MARK2: variants seen among roughly 807,000 people sequenced by gnomAD.
The protein encoded by MARK2 is microtubule affinity regulating kinase 2.
A neutral mutation model predicts 89.8 loss-of-function variants in MARK2; 16 were observed. The observed-to-expected ratio is 0.18, with a 90% CI of 0.12 to 0.27. The LOEUF (loss-of-function observed/expected upper bound fraction) is 0.27, where lower values mean the gene tolerates loss of function less well. Ranked by LOEUF, MARK2 falls within the 10% of genes least tolerant of loss-of-function variation. The probability of loss-of-function intolerance (pLI) is 1.00; values close to 1 mark genes in which losing one functional copy is unlikely to be tolerated. For missense variants in MARK2, 621 were observed against 1,049.9 expected (o/e 0.59, Z 5.65); for synonymous variants, 382 against 399.5 (o/e 0.96, Z 0.52).
intron 16 of MARK2, among the ~76,000 whole-genome samples, chr11:63,905,471 C>A (rs1456797776): frequency 6.6e-6 from 1 of 152,262 alleles, no homozygotes; most frequent in African/African-American, 2.4e-5. Flanking sequence ...CCTTTGACTG[C>A]CTCTCCCACT....
chr11:63,852,147 C>T (rs936101187), intron 1 of MARK2, among the ~76,000 whole-genome samples: 17 of 152,160 alleles, frequency 1.1e-4, no homozygotes, highest in Non-Finnish European at 2.9e-5. Flanking sequence ...ACATCACATT[C>T]TTCTGGCTAA....
At chr11:63,880,410 A>G (rs1939019323) in intron 1 of MARK2, among the ~76,000 whole-genome samples, 1 of 152,184 alleles carries the variant, frequency 6.6e-6, no homozygotes, top group Admixed American at 6.5e-5. Context: ...TAGAGTCAGT[A>G]CATTGGTTCA....
intron 1 of MARK2, among the ~76,000 whole-genome samples, chr11:63,874,090 G>T (rs1433828019): frequency 1.3e-5 from 2 of 152,224 alleles, no homozygotes; most frequent in Non-Finnish European, 2.9e-5. Flanking sequence ...CAGGGGATCA[G>T]GTGCTGACCA....
chr11:63,846,388 C>T, intron 1 of MARK2, among the ~76,000 whole-genome samples: 1 of 151,812 alleles, frequency 6.6e-6, no homozygotes. Flanking sequence ...CGGAGTCTTG[C>T]TCTGTTGCCC....
In MARK2 at chr11:63,861,783, C is replaced by T. The variant is rs554316572; in HGVS notation, c.54+22223C>T. Among the ~76,000 whole-genome samples, 7 of 135,820 alleles carry T rather than the reference C, an allele frequency of 5.2e-5. No homozygotes were observed. In the East Asian group the frequency reaches 1.6e-3, roughly 31 times the overall value. 89.1% of individuals were successfully genotyped at this position (135,820 alleles called of 152,430 possible). The stretch of plus-strand genomic sequence containing the variant: ...TGAGACAGAGTCTCGCTCTTGTTGT[C>T]CAGGCTAGAGTGCAACGGCACGACC... On this transcript the variant is annotated intron_variant, in intron 1 of 18. Transcript: ENST00000402010.
intron 1 of MARK2, among the ~76,000 whole-genome samples, chr11:63,879,510 C>T (rs1334122195): frequency 6.6e-6 from 1 of 151,868 alleles, no homozygotes; most frequent in Non-Finnish European, 1.5e-5. Flanking sequence ...TGATTTGATC[C>T]ATAGTCCAGT....
At chr11:63,868,212 C>T (rs944821994) in intron 1 of MARK2, among the ~76,000 whole-genome samples, 1 of 151,858 alleles carries the variant, frequency 6.6e-6, no homozygotes, top group Non-Finnish European at 1.5e-5. Flanking sequence ...GGCAACATAG[C>T]GAAACCCTGT....
intron 1 of MARK2, among the ~76,000 whole-genome samples, chr11:63,847,690 G>A (rs2016352232): frequency 6.6e-6 from 1 of 152,214 alleles, no homozygotes; most frequent in African/African-American, 2.4e-5. Context: ...ACTCCAGGGA[G>A]GAGGCTTTCT....
chr11:63,862,421 C>G (rs1937858106), intron 1 of MARK2, among the ~76,000 whole-genome samples: 1 of 151,954 alleles, frequency 6.6e-6, no homozygotes, highest in Non-Finnish European at 1.5e-5. Context: ...AAGATAGTTT[C>G]CTTAGGATTA....
At position 63,897,353 on chromosome 11, in the gene MARK2, C is replaced by T. The variant is rs965635345; in HGVS notation, c.289-879C>T. On this transcript the variant is annotated intron_variant, in intron 3 of 18. Coordinates refer to ENST00000402010, the MANE Select transcript of MARK2 (RefSeq NM_001039469.3). ...TAAAGGGTAAGGTCAGCATTGGGTT[C>T]CTGAGGATTGGAAAGCCTTTTTCTT... Among the ~76,000 whole-genome samples the T allele has an allele frequency of 2.6e-5, 4 of 152,168 alleles. No individual in the cohort carries two copies. The East Asian group carries it at 7.7e-4, about 29-fold the overall frequency.
chr11:63,856,613 A>G (rs1444373540), intron 1 of MARK2, among the ~76,000 whole-genome samples: 1 of 151,048 alleles, frequency 6.6e-6, no homozygotes, highest in Non-Finnish European at 1.5e-5. Flanking sequence ...TAGTAGAGAC[A>G]GTGTTTCGCC....
chr11:63,864,416 AT>A (rs1415653561), intron 1 of MARK2, among the ~76,000 whole-genome samples: 2 of 149,832 alleles, frequency 1.3e-5, no homozygotes, highest in African/African-American at 4.9e-5. Flanking sequence ...CCACCGGCTA[AT>A]TTTTTTTTGT....
chr11:63,901,794 A>G (rs1459830258), intron 11 of MARK2, among the ~76,000 whole-genome samples: 1 of 151,010 alleles, frequency 6.6e-6, no homozygotes, highest in Non-Finnish European at 1.5e-5. Context: ...GGTTTTGTTC[A>G]TCATCTGAGT....
Position 63,902,832 on chromosome 11 carries a change from C to A in MARK2, c.1416+50C>A. 1 of 1,452,448 alleles carries A rather than the reference C, an allele frequency of 6.9e-7. No individual in the cohort carries two copies. Among genetic ancestry groups the A allele is most frequent in the Non-Finnish European group, 9.6e-7 (1 of 1,042,076 alleles). 90.0% of individuals were successfully genotyped at this position (1,452,448 alleles called of 1,614,324 possible). A position where few individuals can be genotyped will look rare whatever the true frequency, so the allele number is the denominator to read the frequency against. On this transcript the variant is annotated intron_variant, in intron 13 of 18. Transcript: ENST00000402010. This position sits in a 1 kb window ranked among gnomAD's most constrained non-coding sequence, Gnocchi z 4.2. ...CTTCCTTCCTGCGGTGGGGCCTGCCCTCTCCAGGCAGCTCTTCTCTTAATT... is the reference window on the plus strand; with the variant it reads ...CTTCCTTCCTGCGGTGGGGCCTGCCATCTCCAGGCAGCTCTTCTCTTAATT...
intron 1 of MARK2, among the ~76,000 whole-genome samples, chr11:63,853,292 G>A (rs765379229): frequency 4.6e-5 from 7 of 152,124 alleles, no homozygotes; most frequent in Non-Finnish European, 1.0e-4. Flanking sequence ...CCAGCTACTC[G>A]GGAGGCTGAG....
chr11:63,910,898 G>A lies in MARK2; in HGVS notation c.*1661G>A, dbSNP rs569154793. On this transcript the variant is annotated 3_prime_UTR_variant, in exon 19 of 19. Coordinates refer to ENST00000402010, the MANE Select transcript of MARK2 (RefSeq NM_001039469.3). ...GGAGGGCATGGCTTGGCTCCCAAAG[G>A]GGGTAGGGGCCCGGGGCACCCAGGC... The A allele has an allele frequency of 1.3e-5, 2 of 152,242 alleles. No homozygotes were observed. Among genetic ancestry groups the A allele is most frequent in the African/African-American group, 2.4e-5 (1 of 41,446 alleles). The allele number at this position is 152,242 out of a possible 1,614,324, so 9.4% of individuals were successfully genotyped here. A position where few individuals can be genotyped will look rare whatever the true frequency, so the allele number is the denominator to read the frequency against.
chr11:63,841,167 A>G (rs2015996165), intron 1 of MARK2, among the ~76,000 whole-genome samples: 1 of 152,012 alleles, frequency 6.6e-6, no homozygotes, highest in South Asian at 2.1e-4. Flanking sequence ...AGCCCGGTAG[A>G]GCAGTTGTTG....
At chr11:63,893,635 T>C (rs114423885) in intron 1 of MARK2, among the ~76,000 whole-genome samples, 143 of 152,248 alleles carry the variant, frequency 9.4e-4, no homozygotes, top group African/African-American at 3.2e-3. Context: ...TTCACATAGA[T>C]GTATGTTTTT....
chr11:63,883,356 A>G (rs1355516795), intron 1 of MARK2, among the ~76,000 whole-genome samples: 1 of 152,040 alleles, frequency 6.6e-6, no homozygotes, highest in Admixed American at 6.6e-5. Flanking sequence ...GCAGAATTTG[A>G]CTTTTCCTTG....
Sources: allele counts gnomAD v4.1 joint callset (sites outside exome capture counted in the v4.1 genomes callset), GRCh38; gene constraint gnomAD v4.1.1; non-coding constraint Gnocchi (gnomAD v3.1); transcripts MANE v1.5; gene names NCBI Gene and HGNC (gene_info 2026-07-23, HGNC 2026-07-21).